RUNX2: variants seen among roughly 807,000 people sequenced by gnomAD.
RUNX2 encodes the protein runt-related transcription factor 2.
A neutral mutation model predicts 51.7 loss-of-function variants in RUNX2; 10 were observed. The ratio of observed to expected loss-of-function variants is 0.19; its 90% CI spans 0.12 to 0.33. RUNX2 has a LOEUF of 0.33. Among genes scored for constraint, RUNX2 ranks in the 10% least tolerant of loss-of-function variants. The pLI is 1.00. For synonymous variants in RUNX2, 276 were observed against 273.6 expected, an observed-to-expected ratio of 1.01 and a Z score of -0.09; for missense variants, 562 against 691.3, an observed-to-expected ratio of 0.81 and a Z score of 2.10.
At chr6:45,395,298 T>C (rs971995046) in intron 2 of RUNX2, among the ~76,000 whole-genome samples, 2 of 152,180 alleles carry the variant, frequency 1.3e-5, no homozygotes, top group African/African-American at 4.8e-5. Context: ...TCCACTTCAG[T>C]CTCATACATA....
chr6:45,497,049 T>C (rs1800669352), intron 6 of RUNX2, among the ~76,000 whole-genome samples: 1 of 152,004 alleles, frequency 6.6e-6, no homozygotes. Context: ...GCTGGGGAGC[T>C]CAGAGAAGCA....
chr6:45,444,265 G>T (rs945821563), intron 5 of RUNX2, among the ~76,000 whole-genome samples: 1 of 152,158 alleles, frequency 6.6e-6, no homozygotes, highest in African/African-American at 2.4e-5. Context: ...TTTGTGTGTC[G>T]GGTCTCAGGT....
At chr6:45,369,245 G>C (rs958580446) in intron 2 of RUNX2, among the ~76,000 whole-genome samples, 1 of 151,838 alleles carries the variant, frequency 6.6e-6, no homozygotes, top group East Asian at 1.9e-4. Flanking sequence ...ATGTTCTTTT[G>C]AACCTTTACC....
chr6:45,482,345 T>G (rs1279722572), intron 5 of RUNX2, among the ~76,000 whole-genome samples: 2 of 152,274 alleles, frequency 1.3e-5, no homozygotes, highest in African/African-American at 4.8e-5. Flanking sequence ...GAAGTTTGAC[T>G]GATATTGGCG....
chr6:45,507,173 G>A (rs1800994617), intron 6 of RUNX2, among the ~76,000 whole-genome samples: 1 of 152,040 alleles, frequency 6.6e-6, no homozygotes, highest in African/African-American at 2.4e-5. Flanking sequence ...CCATGTTTCT[G>A]TAGATTTGAA....
intron 2 of RUNX2, among the ~76,000 whole-genome samples, chr6:45,369,685 G>C (rs978259494): frequency 6.6e-6 from 1 of 152,070 alleles, no homozygotes; most frequent in Non-Finnish European, 1.5e-5. Context: ...AGTATTTACG[G>C]GGCACCTACT....
intron 7 of RUNX2, 43 bp downstream of exon 7, chr6:45,512,450 G>T: frequency 1.2e-6 from 2 of 1,605,300 alleles, no homozygotes; most frequent in Non-Finnish European, 1.7e-6. Flanking sequence ...CTGCACAGGG[G>T]TCGGGGGGAG....
chr6:45,403,357 C>T (rs1162799645), intron 2 of RUNX2, among the ~76,000 whole-genome samples: 1 of 151,882 alleles, frequency 6.6e-6, no homozygotes, highest in Non-Finnish European at 1.5e-5. Context: ...CCTCAGCCTC[C>T]CAAGTAGCTG....
intron 5 of RUNX2, among the ~76,000 whole-genome samples, chr6:45,481,689 A>C (rs929448038): frequency 2.0e-5 from 3 of 152,176 alleles, no homozygotes; most frequent in Non-Finnish European, 4.4e-5. Context: ...AAGCTTCTGC[A>C]CTTTTTCTTA....
intron 5 of RUNX2, among the ~76,000 whole-genome samples, chr6:45,468,866 A>G (rs1304026940): frequency 6.6e-6 from 1 of 152,148 alleles, no homozygotes; most frequent in African/African-American, 2.4e-5. Flanking sequence ...CTGCCTCCAC[A>G]TATTTCCCAA....
intron 5 of RUNX2, among the ~76,000 whole-genome samples, chr6:45,438,965 G>A (rs1308826190): frequency 6.6e-6 from 1 of 152,144 alleles, no homozygotes; most frequent in East Asian, 1.9e-4. Context: ...TTGGTTTGTG[G>A]TGGAGGCATA....
At chr6:45,404,486 A>G (rs1283067106) in intron 2 of RUNX2, among the ~76,000 whole-genome samples, 1 of 152,080 alleles carries the variant, frequency 6.6e-6, no homozygotes, top group South Asian at 2.1e-4. Context: ...GAAACGGCCA[A>G]TGTGAAAACA....
At chr6:45,523,063 C>T (rs1801557052) in intron 7 of RUNX2, among the ~76,000 whole-genome samples, 1 of 152,086 alleles carries the variant, frequency 6.6e-6, no homozygotes, top group African/African-American at 2.4e-5. Context: ...AATGAATATA[C>T]ATATAAATAG....
intron 6 of RUNX2, among the ~76,000 whole-genome samples, chr6:45,497,997 A>G (rs1174387198): frequency 6.6e-6 from 1 of 152,190 alleles, no homozygotes; most frequent in Non-Finnish European, 1.5e-5. Flanking sequence ...CGTTCCTCAC[A>G]ATAGCTCTAT....
intron 3 of RUNX2, among the ~76,000 whole-genome samples, chr6:45,427,515 T>C (rs533385140): frequency 6.6e-6 from 1 of 152,278 alleles, no homozygotes; most frequent in South Asian, 2.1e-4. Context: ...AATGTTTTGA[T>C]ACTGTATTTG....
chr6:45,517,147 T>C (rs942164314), intron 7 of RUNX2, among the ~76,000 whole-genome samples: 1 of 152,166 alleles, frequency 6.6e-6, no homozygotes, highest in Non-Finnish European at 1.5e-5. Context: ...TATTCATAGA[T>C]GTTGGCTGCC....
intron 2 of RUNX2, among the ~76,000 whole-genome samples, chr6:45,385,347 G>C (rs1488030751): frequency 6.6e-6 from 1 of 152,146 alleles, no homozygotes; most frequent in African/African-American, 2.4e-5. Flanking sequence ...CTGGGGAGCT[G>C]ATGTTCTCAC....
chr6:45,365,478 G>C (rs548473327), intron 2 of RUNX2, among the ~76,000 whole-genome samples: 2 of 151,572 alleles, frequency 1.3e-5, no homozygotes, highest in South Asian at 2.1e-4. Flanking sequence ...GAAATAGCAA[G>C]GTGGAAAAAA....
At chr6:45,488,444 A>C (rs1027798444) in intron 5 of RUNX2, among the ~76,000 whole-genome samples, 1 of 152,226 alleles carries the variant, frequency 6.6e-6, no homozygotes, top group Admixed American at 6.5e-5. Context: ...CCTGGAACTC[A>C]AGACAGAGGT....
Sources: gnomAD v4.1 joint callset for allele counts (sites outside exome capture counted in the v4.1 genomes callset) on GRCh38, gnomAD v4.1.1 for gene constraint, MANE v1.5 for transcripts, NCBI Gene and HGNC (gene_info 2026-07-23, HGNC 2026-07-21) for gene names.